The following VPS13C variants were observed in gnomAD, a reference collection of about 807,000 sequenced individuals.
The protein encoded by VPS13C is vacuolar protein sorting 13 homolog C, also known as intermembrane lipid transfer protein VPS13C.
VPS13C carries 358 observed loss-of-function variants against 456.8 expected under a neutral mutation model. The observed-to-expected ratio is 0.78, with a 90% CI of 0.72 to 0.86. VPS13C has a LOEUF of 0.86. VPS13C is among the 40% of genes least tolerant of loss of function. The pLI, the probability that VPS13C is intolerant of heterozygous loss-of-function variation, is 0.00. For missense variants in VPS13C, 4,818 were observed against 4,385.4 expected, an observed-to-expected ratio of 1.10 and a Z score of -2.79; for synonymous variants, 1,578 against 1,486.7, an observed-to-expected ratio of 1.06 and a Z score of -1.41.
At chr15:61,997,542 A>T (rs1338017324) in intron 16 of VPS13C, among the ~76,000 whole-genome samples, 2 of 152,026 alleles carry the variant, frequency 1.3e-5, no homozygotes, top group Non-Finnish European at 2.9e-5. Flanking sequence ...TAGGTCCCAA[A>T]CTGAACTCCT....
intron 81 of VPS13C, chr15:61,865,457 T>C (rs1894474258): frequency 2.0e-6 from 2 of 984,478 alleles, no homozygotes; most frequent in African/African-American, 1.7e-5. Context: ...CAAGAAATGC[T>C]GTTTTAAACG....
In VPS13C at chr15:61,863,503, T is replaced by G; in HGVS notation, c.10889A>C (p.Glu3630Ala). Reference sequence around the variant, plus strand: ...AATAGCACAGTGGTATCGGTAAGTCTCTCCTTCCAACTTTTTGATATGATT... The same window carrying G: ...AATAGCACAGTGGTATCGGTAAGTCGCTCCTTCCAACTTTTTGATATGATT... ...LENHIKKLEG[E>A]TYRYHCAIPG... Residue 3630 changes from glutamate (E) to alanine (A), a missense_variant, in exon 82 of 85, where the codon GAG becomes GCG. Glu to Ala is a moderately radical substitution (Grantham distance 107). This residue lies in a region of VPS13C where 261 missense variants were observed against 234.1 expected (regional missense o/e 1.11). Coordinates refer to ENST00000644861, the MANE Select transcript of VPS13C (RefSeq NM_020821.3). 1 of 1,612,802 alleles carries G rather than the reference T, an allele frequency of 6.2e-7. No homozygotes were observed.
chr15:61,875,907 A>G lies in VPS13C; in HGVS notation c.10225-62T>C, dbSNP rs184511505. The G allele has an allele frequency of 1.2e-4, 139 of 1,135,662 alleles. No individual in the cohort carries two copies. In the East Asian group the frequency reaches 3.3e-3, roughly 27 times the overall value. The allele number at this position is 1,135,662 out of a possible 1,614,324, so 70.3% of individuals were successfully genotyped here. A position where few individuals can be genotyped will look rare whatever the true frequency, so the allele number is the denominator to read the frequency against. ...ACTATTGTAAGAAACATCATAATGA[A>G]ATAGAAAAAAAGAGATTTACTGATA... On this transcript the variant is annotated intron_variant, in intron 75 of 84. Coordinates refer to ENST00000644861, the MANE Select transcript of VPS13C (RefSeq NM_020821.3).
intron 58 of VPS13C, among the ~76,000 whole-genome samples, chr15:61,918,826 T>C (rs1030061823): frequency 8.5e-5 from 13 of 152,076 alleles, no homozygotes; most frequent in African/African-American, 2.4e-4. Context: ...GGATAAAACC[T>C]TAAAAGTAGA....
chr15:61,919,367 G>A lies in VPS13C; in HGVS notation c.7560C>T (p.Ala2520=). 2 of 1,604,756 alleles carry A rather than the reference G, an allele frequency of 1.2e-6. No individual in the cohort carries two copies. The highest frequency in any genetic ancestry group is 1.7e-5 in the Admixed American group (1 of 58,346). ...GTACCAAGACAGAGTCAGAATGACT[G>A]GCATTGGGATTCCGTACATTATACA... ...RRLYNVRNPN[A]SHSDSVLVQI... The change falls in exon 58 of 85, where the codon GCC becomes GCT. Residue 2520 remains alanine (A), a synonymous_variant. Transcript: ENST00000644861.
At chr15:61,869,310 G>A (rs528953118) in intron 80 of VPS13C, among the ~76,000 whole-genome samples, 190 bp downstream of exon 80, 1 of 152,008 alleles carries the variant, frequency 6.6e-6, no homozygotes, top group Non-Finnish European at 1.5e-5. Flanking sequence ...TAGAGATGGG[G>A]TTTCACCATG....
chr15:61,968,170 G>A (rs1168576287), intron 28 of VPS13C, among the ~76,000 whole-genome samples: 1 of 151,710 alleles, frequency 6.6e-6, no homozygotes, highest in Non-Finnish European at 1.5e-5. Context: ...ATTTGTTTTA[G>A]TTTCAACTAT....
Position 61,910,301 on chromosome 15 carries a change from A to G in VPS13C, c.8720T>C (p.Leu2907Pro). Residue 2907 changes from leucine (L) to proline (P), a missense_variant, in exon 64 of 85, where the codon CTT (leucine) becomes CCT (proline). By Grantham distance (98) the Leu-to-Pro change is moderately conservative. Transcript: ENST00000644861. ...TGACAAACTTTCTGGCCAAAATGGA[A>G]GGCACTAAAAATATAGAAGTTATTA... Reference protein sequence around the residue: ...KWNYIASSECLPFWPESLSGK... With the variant: ...KWNYIASSECPPFWPESLSGK... The G allele has an allele frequency of 1.3e-6, 2 of 1,520,374 alleles. No homozygotes were observed. Among genetic ancestry groups the G allele is most frequent in the Non-Finnish European group, 1.8e-6 (2 of 1,128,292 alleles). The allele number at this position is 1,520,374 out of a possible 1,614,324, so 94.2% of individuals were successfully genotyped here. A position where few individuals can be genotyped will look rare whatever the true frequency, so the allele number is the denominator to read the frequency against.
At chr15:61,992,302 A>G (rs546153458) in intron 16 of VPS13C, among the ~76,000 whole-genome samples, 1 of 152,330 alleles carries the variant, frequency 6.6e-6, no homozygotes, top group South Asian at 2.1e-4. Context: ...TCTTTTCTCA[A>G]CAAATCCTGA....
chr15:61,946,371 T>A lies in VPS13C; in HGVS notation c.4916A>T (p.Asp1639Val). ...ASISVKPKQT[D>V]VFARLKDIIV... ...AATATCTTTAAGTCTGGCAAACACA[T>A]CAGTCTGCTTAGGCTTCACAGAAAT... is the stretch of plus-strand genomic sequence containing the variant. Residue 1639 changes from aspartate to valine, a missense_variant, in exon 44 of 85, where the codon GAT becomes GTT. By Grantham distance (152) the Asp-to-Val change is radical. This residue lies in a region of VPS13C where 4,552 missense variants were observed against 4,130.6 expected (regional missense o/e 1.10). Coordinates refer to ENST00000644861, the MANE Select transcript of VPS13C (RefSeq NM_020821.3). 1 of 1,609,050 alleles carries A rather than the reference T, an allele frequency of 6.2e-7. No homozygotes were observed. The highest frequency in any genetic ancestry group is 8.5e-7 in the Non-Finnish European group (1 of 1,177,782).
intron 3 of VPS13C, among the ~76,000 whole-genome samples, chr15:62,039,040 G>A (rs1256852915): frequency 1.3e-5 from 2 of 152,036 alleles, no homozygotes; most frequent in African/African-American, 2.4e-5. Context: ...AAAACAGTAC[G>A]GAGATATCTC....
chr15:62,046,677 G>T (rs1016505002), intron 1 of VPS13C, among the ~76,000 whole-genome samples: 2 of 152,194 alleles, frequency 1.3e-5, no homozygotes, highest in Admixed American at 1.3e-4. Context: ...CGTTAGAGAT[G>T]AAGTCTTTAT....
rs182885741 is a variant in VPS13C, at chr15:62,025,122, A to G, written c.449-1277T>C. On this transcript the variant is annotated intron_variant, in intron 6 of 84. Coordinates refer to ENST00000644861, the MANE Select transcript of VPS13C (RefSeq NM_020821.3). The stretch of plus-strand genomic sequence containing the variant: ...TCCTACACCTGGGCACAAAGCACAC[A>G]GTACTTATCTGTTCAAATGAATAAA... Among the ~76,000 whole-genome samples the G allele has an allele frequency of 3.3e-5, 5 of 152,236 alleles. No individual in the cohort carries two copies. In the East Asian group the frequency reaches 9.7e-4, roughly 29 times the overall value.
intron 40 of VPS13C, 138 bp from the exon 41 acceptor site, chr15:61,950,555 C>CAAA: frequency 4.6e-5 from 22 of 477,420 alleles, no homozygotes; most frequent in South Asian, 1.9e-4. Context: ...GAAAGCCATT[C>CAAA]AAAAAAAAAA....
In VPS13C at chr15:61,922,575, C is replaced by A. The variant is rs373571569; in HGVS notation, c.6797G>T (p.Gly2266Val). 6.2e-7 allele frequency: 1 copy of A among 1,614,040 alleles called. No individual in the cohort carries two copies. The highest frequency in any genetic ancestry group is 8.5e-7 in the Non-Finnish European group (1 of 1,179,964). The change falls in exon 54 of 85, where the codon GGC becomes GTC. Residue 2266 changes from glycine to valine, a missense_variant. Physicochemically the swap from Gly to Val is moderately radical, Grantham distance 109. Transcript: ENST00000644861. Reference sequence around the variant, plus strand: ...TTCCTCTATCAGTGAATGTTCAATGCCTTTGAAGCTTTCCGTTATTTCTGT... The same window carrying A: ...TTCCTCTATCAGTGAATGTTCAATGACTTTGAAGCTTTCCGTTATTTCTGT... ...TATEITESFK[G>V]IEHSLIEENC...
At chr15:62,009,154 T>C (rs1239633012) in intron 13 of VPS13C, among the ~76,000 whole-genome samples, 2 of 152,192 alleles carry the variant, frequency 1.3e-5, no homozygotes, top group Admixed American at 6.5e-5. Context: ...TCTAAGACTA[T>C]ATATTTTTCC....
In VPS13C at chr15:62,013,939, T is replaced by A. The variant is rs757708944; in HGVS notation, c.738A>T (p.Ile246=). 3.7e-6 allele frequency: 6 copies of A among 1,607,366 alleles called. No individual in the cohort carries two copies. The highest frequency in any genetic ancestry group is 5.1e-6 in the Non-Finnish European group (6 of 1,176,430). ...PCILNEADKI[I]YKLIRLDSLS... ...TTTTATTCCAACATAATACCTTGTA[T>A]ATAATTTTGTCTGCTTCATTTAATA... Residue 246 remains isoleucine (I), a synonymous_variant, in exon 10 of 85, where the codon ATA becomes ATT. Coordinates refer to ENST00000644861, the MANE Select transcript of VPS13C (RefSeq NM_020821.3).
intron 81 of VPS13C, chr15:61,863,876 T>A (rs1186358785): frequency 6.0e-6 from 1 of 166,300 alleles, no homozygotes; most frequent in East Asian, 1.8e-4. Flanking sequence ...ACATTAACAT[T>A]ACAGGGGATT....
intron 56 of VPS13C, 75 bp from the exon 57 acceptor site, chr15:61,920,406 A>G (rs1436988449): frequency 6.7e-7 from 1 of 1,497,676 alleles, no homozygotes; most frequent in Non-Finnish European, 8.9e-7. Flanking sequence ...CCATAATTAC[A>G]CATTTTTTGG....
Sources: gnomAD v4.1 joint callset for allele counts (sites outside exome capture counted in the v4.1 genomes callset) on GRCh38, gnomAD v4.1.1 for gene constraint, gnomAD v4.1.1 regional missense constraint, MANE v1.5 for transcripts, NCBI Gene and HGNC (gene_info 2026-07-23, HGNC 2026-07-21) for gene names.